Variants in CCDC192 observed in about 807,000 individuals in gnomAD.
The protein encoded by CCDC192 is coiled-coil domain-containing protein 192.
intron 3 of CCDC192, among the ~76,000 whole-genome samples, chr5:127,772,690 AC>A (rs1300581534): frequency 6.6e-6 from 1 of 152,132 alleles, no homozygotes; most frequent in African/African-American, 2.4e-5. Flanking sequence ...TATATTGCAT[AC>A]CCGTGTCAGA....
At chr5:127,907,288 A>G (rs1753224227) in intron 6 of CCDC192, among the ~76,000 whole-genome samples, 1 of 152,172 alleles carries the variant, frequency 6.6e-6, no homozygotes, top group African/African-American at 2.4e-5. Flanking sequence ...TCATTTATAT[A>G]GGGGTATTTT....
intron 6 of CCDC192, among the ~76,000 whole-genome samples, chr5:127,906,278 T>G (rs1369680310): frequency 6.6e-6 from 1 of 152,224 alleles, no homozygotes; most frequent in Non-Finnish European, 1.5e-5. Flanking sequence ...CACACAATAT[T>G]TGTCCTTTTG....
chr5:127,728,885 C>T (rs976230051), intron 2 of CCDC192, among the ~76,000 whole-genome samples: 1 of 151,810 alleles, frequency 6.6e-6, no homozygotes, highest in Non-Finnish European at 1.5e-5. Context: ...GAAAAAAACA[C>T]AAATTGCAAT....
At chr5:127,717,088 T>C (rs1751666149) in intron 2 of CCDC192, among the ~76,000 whole-genome samples, 1 of 152,196 alleles carries the variant, frequency 6.6e-6, no homozygotes, top group South Asian at 2.1e-4. Flanking sequence ...GAATAGAAAC[T>C]GTCATTGTAA....
At chr5:127,703,577 T>C (rs1020733656) in intron 1 of CCDC192, 70 bp downstream of exon 1, 2 of 396,062 alleles carry the variant, frequency 5.0e-6, no homozygotes, top group Admixed American at 4.4e-5. Context: ...TTTCACTCAG[T>C]ACTTAAAAAA....
chr5:127,711,054 TAA>T (rs933114882), intron 2 of CCDC192, among the ~76,000 whole-genome samples: 31 of 152,170 alleles, frequency 2.0e-4, no homozygotes, highest in Non-Finnish European at 1.6e-4. Context: ...GTTTAGGAAA[TAA>T]AAATTCTATT....
intron 6 of CCDC192, among the ~76,000 whole-genome samples, chr5:127,928,050 C>T (rs1753914380): frequency 6.6e-6 from 1 of 151,028 alleles, no homozygotes; most frequent in African/African-American, 2.4e-5. Flanking sequence ...GCCTCAGCCT[C>T]CTGAGTGCCT....
At chr5:127,838,172 C>G (rs1331347326) in intron 5 of CCDC192, among the ~76,000 whole-genome samples, 2 of 152,186 alleles carry the variant, frequency 1.3e-5, no homozygotes. Flanking sequence ...CAAACTTTGC[C>G]TCACTTTGTA....
At chr5:127,730,600 A>T (rs920596714) in intron 2 of CCDC192, among the ~76,000 whole-genome samples, 1 of 152,242 alleles carries the variant, frequency 6.6e-6, no homozygotes, top group Non-Finnish European at 1.5e-5. Flanking sequence ...CCTAATGAAC[A>T]TTGATGCAAA....
At chr5:127,729,281 G>A (rs1385248394) in intron 2 of CCDC192, among the ~76,000 whole-genome samples, 1 of 152,132 alleles carries the variant, frequency 6.6e-6, no homozygotes, top group Non-Finnish European at 1.5e-5. Context: ...ATTACATAAT[G>A]GTAAAGGGTT....
rs1754396235 is a variant in CCDC192, at chr5:127,941,286, A to G, written c.640A>G (p.Thr214Ala). Residue 214 changes from threonine to alanine, a missense_variant, in exon 7 of 7, where the codon ACT (threonine) becomes GCT (alanine). Transcript: ENST00000514853. ...MELSTQVSLQ[T>A]ERITQLKEVL... ...ACTGTCAACCCAGGTTTCCCTTCAG[A>G]CTGAGAGAATTACTCAGCTGAAAGA... is the stretch of plus-strand genomic sequence containing the variant. 1 of 399,050 alleles carries G rather than the reference A, an allele frequency of 2.5e-6. No homozygotes were observed. The allele number at this position is 399,050 out of a possible 1,614,324, so 24.7% of individuals were successfully genotyped here.
chr5:127,754,273 G>A lies in CCDC192; in HGVS notation c.120G>A (p.Ala40=), dbSNP rs893976529. 16 of 397,576 alleles carry A rather than the reference G, an allele frequency of 4.0e-5. No individual in the cohort carries two copies. The highest frequency in any genetic ancestry group is 1.3e-4 in the South Asian group (1 of 7,812). 24.6% of individuals were successfully genotyped at this position (397,576 alleles called of 1,614,324 possible). Residue 40 remains alanine, a synonymous_variant, in exon 3 of 7, where the codon GCG becomes GCA. Coordinates refer to ENST00000514853, the MANE Select transcript of CCDC192 (RefSeq NM_001317938.2). ...DIPQENKVSK[A]SLDTGQMAFT... The stretch of plus-strand genomic sequence containing the variant: ...TGATTTTTTTTTTTTTAAAGAAAGC[G>A]TCCCTGGATACTGGACAGATGGCGT...
Position 127,755,801 on chromosome 5 carries a change from T to C in CCDC192, c.222+1426T>C, listed in dbSNP as rs950841185. 7.9e-4 allele frequency among the ~76,000 whole-genome samples: 121 copies of C among 152,234 alleles called. 1 individual carries two copies. Among genetic ancestry groups the C allele is most frequent in the African/African-American group, 2.7e-3 (114 of 41,566 alleles). On this transcript the variant is annotated intron_variant, in intron 3 of 6. Coordinates refer to ENST00000514853, the MANE Select transcript of CCDC192 (RefSeq NM_001317938.2). Reference sequence around the variant, plus strand: ...CACTAAGAAGGTATATAGGATTTTTTTTTTTTTGGTAATCAAATGGCTTTT... The same window carrying C: ...CACTAAGAAGGTATATAGGATTTTTCTTTTTTTGGTAATCAAATGGCTTTT...
intron 5 of CCDC192, among the ~76,000 whole-genome samples, chr5:127,842,730 A>G (rs942229471): frequency 4.6e-5 from 7 of 152,248 alleles, no homozygotes. Context: ...AGAGTTGGCC[A>G]ACATGTTCAC....
At chr5:127,772,142 C>T (rs113473942) in intron 3 of CCDC192, among the ~76,000 whole-genome samples, 3,292 of 152,192 alleles carry the variant, frequency 0.022, 122 homozygotes, top group African/African-American at 0.075. Context: ...GCCAGTTTCA[C>T]AGTTGGTTAA....
chr5:127,790,466 A>G (rs914280126), intron 3 of CCDC192, among the ~76,000 whole-genome samples: 8 of 152,184 alleles, frequency 5.3e-5, no homozygotes, highest in African/African-American at 1.9e-4. Flanking sequence ...GTATTGGAAC[A>G]TTAATATTTT....
chr5:127,715,468 T>A (rs750685022), intron 2 of CCDC192, among the ~76,000 whole-genome samples: 4 of 152,234 alleles, frequency 2.6e-5, no homozygotes, highest in Admixed American at 6.5e-5. Flanking sequence ...GCCAGTGGCA[T>A]GCTGTTTTGT....
intron 5 of CCDC192, among the ~76,000 whole-genome samples, chr5:127,846,838 A>C (rs1242442975): frequency 2.4e-4 from 36 of 151,672 alleles, no homozygotes; most frequent in African/African-American, 7.7e-4. Flanking sequence ...AAAAAAAAAA[A>C]AAAAAAACAG....
intron 2 of CCDC192, 111 bp from the exon 3 acceptor site, chr5:127,754,157 A>C: frequency 2.6e-6 from 1 of 391,740 alleles, no homozygotes; most frequent in Non-Finnish European, 4.5e-6. Flanking sequence ...TGAGTTTATC[A>C]AGCCTATCAT....
Sources: allele counts gnomAD v4.1 joint callset (sites outside exome capture counted in the v4.1 genomes callset), GRCh38; gene constraint gnomAD v4.1.1; transcripts MANE v1.5; gene names NCBI Gene and HGNC (gene_info 2026-07-23, HGNC 2026-07-21).